B3GALT1: variants seen among roughly 807,000 people sequenced by gnomAD.
B3GALT1 encodes the protein beta-1,3-galactosyltransferase 1, also known as UDP-Gal:betaGlcNAc beta 1,3-galactosyltransferase, polypeptide 1.
A neutral mutation model predicts 23.2 loss-of-function variants in B3GALT1; 10 were observed. The ratio of observed to expected loss-of-function variants is 0.43; its 90% CI spans 0.27 to 0.73. The LOEUF (loss-of-function observed/expected upper bound fraction) is 0.73, where lower values mean the gene tolerates loss of function less well. Ranked by LOEUF, B3GALT1 falls within the 30% of genes least tolerant of loss-of-function variation. The pLI, the probability that B3GALT1 is intolerant of heterozygous loss-of-function variation, is 0.21. For missense variants in B3GALT1, 299 were observed against 405.4 expected, an observed-to-expected ratio of 0.74 and a Z score of 2.25; for synonymous variants, 156 against 141.5, an observed-to-expected ratio of 1.10 and a Z score of -0.73.
At chr2:167,730,730 A>G (rs1347305093) in intron 3 of B3GALT1, among the ~76,000 whole-genome samples, 1 of 152,244 alleles carries the variant, frequency 6.6e-6, no homozygotes. Flanking sequence ...GAAACTGAAT[A>G]AAATTCAATA....
intron 2 of B3GALT1, among the ~76,000 whole-genome samples, chr2:167,500,605 A>G (rs1405743268): frequency 6.6e-6 from 1 of 150,712 alleles, no homozygotes; most frequent in Non-Finnish European, 1.5e-5. Context: ...TGTGCTACAC[A>G]AGGATCTCAG....
chr2:167,425,100 T>G (rs934644107), intron 1 of B3GALT1, among the ~76,000 whole-genome samples: 4 of 152,224 alleles, frequency 2.6e-5, no homozygotes, highest in African/African-American at 9.6e-5. Flanking sequence ...CAGTAAATAA[T>G]TTGTATTTGT....
intron 1 of B3GALT1, among the ~76,000 whole-genome samples, chr2:167,405,782 T>G (rs1698264622): frequency 6.6e-6 from 1 of 152,126 alleles, no homozygotes; most frequent in Non-Finnish European, 1.5e-5. Flanking sequence ...TGGCTGTGAT[T>G]TAAATTGAAT....
intron 1 of B3GALT1, among the ~76,000 whole-genome samples, chr2:167,363,550 A>T (rs1697532702): frequency 6.6e-6 from 1 of 152,196 alleles, no homozygotes; most frequent in South Asian, 2.1e-4. Context: ...CTATTTCACA[A>T]GGAGTGGCTC....
chr2:167,580,350 C>T (rs1684460984), intron 2 of B3GALT1, among the ~76,000 whole-genome samples: 1 of 152,122 alleles, frequency 6.6e-6, no homozygotes. Context: ...CCCTCCAACC[C>T]CTCCGACTTC....
At chr2:167,677,446 A>T (rs1369521395) in intron 3 of B3GALT1, among the ~76,000 whole-genome samples, 2 of 152,158 alleles carry the variant, frequency 1.3e-5, no homozygotes, top group East Asian at 3.8e-4. Context: ...GCACCATCCC[A>T]CTCTAACCTT....
intron 1 of B3GALT1, among the ~76,000 whole-genome samples, chr2:167,421,417 A>T (rs1022716836): frequency 1.8e-4 from 27 of 152,214 alleles, no homozygotes; most frequent in African/African-American, 6.5e-4. Flanking sequence ...AAGCAAACAC[A>T]AATGGTTAAT....
intron 2 of B3GALT1, among the ~76,000 whole-genome samples, chr2:167,501,432 A>C (rs936894839): frequency 2.0e-5 from 3 of 151,992 alleles, no homozygotes; most frequent in Non-Finnish European, 4.4e-5. Flanking sequence ...CTAGTGTTCA[A>C]ATCTCAAGTT....
intron 1 of B3GALT1, among the ~76,000 whole-genome samples, chr2:167,440,343 TGA>T (rs1698860233): frequency 9.5e-6 from 1 of 105,668 alleles, no homozygotes; most frequent in African/African-American, 4.9e-5. Flanking sequence ...AGACTCTGTC[TGA>T]AAAAAAAAAA....
At chr2:167,329,869 T>C (rs1696947162) in intron 1 of B3GALT1, among the ~76,000 whole-genome samples, 1 of 152,106 alleles carries the variant, frequency 6.6e-6, no homozygotes, top group Non-Finnish European at 1.5e-5. Context: ...CAATGGCCTG[T>C]AAGGTTTCTG....
chr2:167,839,884 A>G (rs989854172), intron 4 of B3GALT1, among the ~76,000 whole-genome samples: 22 of 152,198 alleles, frequency 1.4e-4, no homozygotes, highest in African/African-American at 5.1e-4. Context: ...GCATATCTGC[A>G]ACTATCTGAT....
intron 2 of B3GALT1, among the ~76,000 whole-genome samples, chr2:167,635,628 A>C (rs1218327054): frequency 1.2e-4 from 1 of 8,268 alleles, no homozygotes; most frequent in African/African-American, 1.3e-4. Flanking sequence ...CTAAGAATAC[A>C]ACTTAAAAAG....
intron 1 of B3GALT1, among the ~76,000 whole-genome samples, chr2:167,293,797 TGGCGCGCCAGGGGAGA>T (rs1696298749): frequency 6.6e-6 from 1 of 151,970 alleles, no homozygotes. Flanking sequence ...GCTGTGGACC[TGGCGCGCCAGGGGAGA>T]GGCGCGTTCC....
intron 1 of B3GALT1, among the ~76,000 whole-genome samples, chr2:167,452,265 T>C (rs963067256): frequency 1.3e-5 from 2 of 152,158 alleles, no homozygotes; most frequent in Non-Finnish European, 2.9e-5. Context: ...GGAAGTTTCC[T>C]TCTCTCTGTG....
intron 1 of B3GALT1, among the ~76,000 whole-genome samples, chr2:167,449,316 G>A (rs969956806): frequency 1.3e-5 from 2 of 151,974 alleles, no homozygotes; most frequent in African/African-American, 2.4e-5. Context: ...TCCTTGGTTA[G>A]GTATACTCCT....
chr2:167,778,610 A>G (rs1688200750), intron 3 of B3GALT1, among the ~76,000 whole-genome samples: 1 of 152,240 alleles, frequency 6.6e-6, no homozygotes, highest in African/African-American at 2.4e-5. Context: ...AATAGCTATT[A>G]CAATATTTTG....
chr2:167,321,954 C>T (rs1466438489), intron 1 of B3GALT1, among the ~76,000 whole-genome samples: 1 of 151,946 alleles, frequency 6.6e-6, no homozygotes, highest in Admixed American at 6.6e-5. Flanking sequence ...AATGAACTAT[C>T]TCTTACAAAG....
intron 3 of B3GALT1, among the ~76,000 whole-genome samples, chr2:167,777,163 G>C (rs906271089): frequency 6.6e-6 from 1 of 152,072 alleles, no homozygotes; most frequent in Non-Finnish European, 1.5e-5. Context: ...CTGTTTATTA[G>C]AGTTTGGGAA....
At chr2:167,363,426 A>G (rs911045280) in intron 1 of B3GALT1, among the ~76,000 whole-genome samples, 2 of 152,008 alleles carry the variant, frequency 1.3e-5, no homozygotes, top group South Asian at 2.1e-4. Context: ...AAAAGATACC[A>G]TTGATCATAC....
Sources: gnomAD v4.1 joint callset for allele counts (sites outside exome capture counted in the v4.1 genomes callset) on GRCh38, gnomAD v4.1.1 for gene constraint, MANE v1.5 for transcripts, NCBI Gene and HGNC (gene_info 2026-07-23, HGNC 2026-07-21) for gene names.